Variants in TMOD2 observed in about 807,000 individuals in gnomAD.
The protein encoded by TMOD2 is tropomodulin-2.
Under a neutral mutation model 39.9 loss-of-function variants are expected in TMOD2, and 22 were observed. That is an observed-to-expected ratio of 0.55 (90% CI 0.39 to 0.79). The LOEUF is 0.79. TMOD2 is among the 30% of genes least tolerant of loss of function. The pLI is 0.00. For missense variants in TMOD2, 386 were observed against 413.3 expected (o/e 0.93, Z 0.57); for synonymous variants, 123 against 146.1 (o/e 0.84, Z 1.14).
chr15:51,776,937 C>G lies in TMOD2; in HGVS notation c.412C>G (p.Leu138Val), dbSNP rs1329894740. Residue 138 changes from leucine (L) to valine (V), a missense_variant, in exon 5 of 10, where the codon CTT becomes GTT. Physicochemically the swap from Leu to Val is conservative, Grantham distance 32. Coordinates refer to ENST00000249700, the MANE Select transcript of TMOD2 (RefSeq NM_014548.4). ...CATTTGTTGACTGTTTTTAGCTGTC[C>G]TTGGAGTACACAATTTGCTCAACAA... Reference protein sequence around the residue: ...DTELYDLAAVLGVHNLLNNPK... With the variant: ...DTELYDLAAVVGVHNLLNNPK... 1.9e-6 allele frequency: 3 copies of G among 1,613,560 alleles called. No individual in the cohort carries two copies. The Admixed American group carries it at 5.0e-5, about 27-fold the overall frequency.
At chr15:51,763,069 G>C (rs866354107) in intron 1 of TMOD2, among the ~76,000 whole-genome samples, 2 of 151,772 alleles carry the variant, frequency 1.3e-5, no homozygotes, top group African/African-American at 4.8e-5. Context: ...CGAATAACTG[G>C]GACTACAGGC....
chr15:51,798,223 C>T lies in TMOD2; in HGVS notation c.759C>T (p.Asn253=). ...CTTTTGCAGACATGCTGAAAGTAAACAAGACCTTGACAAGTCTAAACATAG... is the reference window on the plus strand; with the variant it reads ...CTTTTGCAGACATGCTGAAAGTAAATAAGACCTTGACAAGTCTAAACATAG... ...AIAFADMLKV[N]KTLTSLNIES... is the part of the protein sequence containing the mutation. Residue 253 remains asparagine, a synonymous_variant, in exon 8 of 10, where the codon AAC becomes AAT. Transcript: ENST00000249700. 1 of 1,609,820 alleles carries T rather than the reference C, an allele frequency of 6.2e-7. No individual in the cohort carries two copies. Among genetic ancestry groups the T allele is most frequent in the East Asian group, 2.2e-5 (1 of 44,606 alleles).
chr15:51,753,173 C>T (rs1310180753), intron 1 of TMOD2, among the ~76,000 whole-genome samples: 2 of 152,172 alleles, frequency 1.3e-5, no homozygotes, highest in Admixed American at 6.5e-5. Context: ...AGGAACTCGG[C>T]GCTCTGCAAA....
intron 7 of TMOD2, among the ~76,000 whole-genome samples, chr15:51,786,183 C>T (rs2055968939): frequency 6.6e-6 from 1 of 152,194 alleles, no homozygotes; most frequent in East Asian, 1.9e-4. Context: ...CACCCTCCTC[C>T]CCTCCTCACT....
chr15:51,768,679 G>A (rs2055833879), intron 3 of TMOD2, among the ~76,000 whole-genome samples: 1 of 151,952 alleles, frequency 6.6e-6, no homozygotes, highest in Non-Finnish European at 1.5e-5. Flanking sequence ...TTATTGTCGT[G>A]GAGGGTCAAG....
At chr15:51,792,951 G>A (rs142135418) in intron 7 of TMOD2, among the ~76,000 whole-genome samples, 9 of 152,078 alleles carry the variant, frequency 5.9e-5, no homozygotes, top group African/African-American at 1.2e-4. Context: ...ACCATGGCAC[G>A]TGTATACCTA....
chr15:51,772,319 G>A (rs72730973), intron 3 of TMOD2, among the ~76,000 whole-genome samples: 3,922 of 152,260 alleles, frequency 0.026, 108 homozygotes, highest in South Asian at 0.14. Context: ...TCAAAAAAGA[G>A]AGAAACAAAG....
chr15:51,773,607 A>T, intron 3 of TMOD2, 105 bp from the exon 4 acceptor site: 1 of 1,190,868 alleles, frequency 8.4e-7, no homozygotes, highest in Non-Finnish European at 1.2e-6. Flanking sequence ...GAACTGGCTT[A>T]ATTATATGGG....
intron 7 of TMOD2, chr15:51,783,775 A>ATAGATAGATAGATAGATAGATAGATAGG (rs1555462158): frequency 1.3e-5 from 2 of 151,034 alleles, no homozygotes; most frequent in African/African-American, 4.9e-5. Flanking sequence ...AGATAGATAG[A>ATAGATAGATAGATAGATAGATAGATAGG]TAGATAGATA....
At position 51,777,697 on chromosome 15, in the gene TMOD2, A is replaced by G. The variant is rs547459662; in HGVS notation, c.493+679A>G. Among the ~76,000 whole-genome samples, 134 of 152,310 alleles carry G rather than the reference A, an allele frequency of 8.8e-4. 4 individuals are homozygous for G. The South Asian group carries it at 0.027, about 31-fold the overall frequency. ...ATGGTCCCTGCCCCACAACCAAAAA[A>G]GAGAATTTTAGACCAATATCCTTGA... On this transcript the variant is annotated intron_variant, in intron 5 of 9. Transcript: ENST00000249700.
chr15:51,806,231 T>G, intron 8 of TMOD2, 146 bp from the exon 9 acceptor site: 1 of 801,072 alleles, frequency 1.2e-6, no homozygotes, highest in South Asian at 2.2e-5. Context: ...GAGAGAAAAC[T>G]TCTCAAGTGA....
At chr15:51,795,562 TCTG>T in intron 7 of TMOD2, among the ~76,000 whole-genome samples, 1 of 99,296 alleles carries the variant, frequency 1.0e-5, no homozygotes, top group African/African-American at 3.7e-5. Flanking sequence ...CTTCTTCTCT[TCTG>T]CTTGCTTGCT....
intron 7 of TMOD2, among the ~76,000 whole-genome samples, chr15:51,792,050 A>G (rs2056016037): frequency 6.6e-6 from 1 of 152,234 alleles, no homozygotes; most frequent in East Asian, 1.9e-4. Flanking sequence ...ACAGCAAAAG[A>G]AATTATCATC....
At chr15:51,789,343 C>T (rs985203409) in intron 7 of TMOD2, among the ~76,000 whole-genome samples, 4 of 152,144 alleles carry the variant, frequency 2.6e-5, no homozygotes, top group African/African-American at 9.7e-5. Context: ...AATACAGGAG[C>T]ACCCAGATTC....
chr15:51,770,012 CAG>C (rs1379743479), intron 3 of TMOD2, among the ~76,000 whole-genome samples: 2 of 152,154 alleles, frequency 1.3e-5, no homozygotes, highest in African/African-American at 4.8e-5. Flanking sequence ...GCTTGGGCAA[CAG>C]AGTGGAACCC....
intron 7 of TMOD2, among the ~76,000 whole-genome samples, chr15:51,787,626 G>C (rs2055980037): frequency 6.6e-6 from 1 of 152,208 alleles, no homozygotes; most frequent in East Asian, 1.9e-4. Context: ...TCATACAGGT[G>C]GGTGTCCCTC....
At position 51,814,923 on chromosome 15, in the gene TMOD2, A is replaced by C. The variant is rs1340635908; in HGVS notation, c.*6469A>C. ...TTCAGCAGTTCTTTACTGTCTTCAGAATGGTTCTGGATAAGCGGCCTTTTC... is the reference window on the plus strand; with the variant it reads ...TTCAGCAGTTCTTTACTGTCTTCAGCATGGTTCTGGATAAGCGGCCTTTTC... On this transcript the variant is annotated 3_prime_UTR_variant, in exon 10 of 10. Transcript: ENST00000249700. 6.6e-6 allele frequency: 1 copy of C among 152,210 alleles called. No individual in the cohort carries two copies. The highest frequency in any genetic ancestry group is 1.5e-5 in the Non-Finnish European group (1 of 68,056). The allele number at this position is 152,210 out of a possible 1,614,324, so 9.4% of individuals were successfully genotyped here.
At chr15:51,800,653 G>A (rs910568417) in intron 8 of TMOD2, among the ~76,000 whole-genome samples, 1 of 152,030 alleles carries the variant, frequency 6.6e-6, no homozygotes, top group Admixed American at 6.6e-5. Context: ...TTCAACTTTA[G>A]TATTTCATTT....
At chr15:51,798,482 A>G (rs1227422779) in intron 8 of TMOD2, 142 bp downstream of exon 8, 40 of 1,044,296 alleles carry the variant, frequency 3.8e-5, no homozygotes, top group Admixed American at 1.5e-4. Flanking sequence ...TTTTAGAACC[A>G]TTTCTGGCCC....
Sources: gnomAD v4.1 joint callset for allele counts (sites outside exome capture counted in the v4.1 genomes callset) on GRCh38, gnomAD v4.1.1 for gene constraint, MANE v1.5 for transcripts, NCBI Gene and HGNC (gene_info 2026-07-23, HGNC 2026-07-21) for gene names.